Variants in ZCCHC7 observed in about 807,000 individuals in gnomAD.
ZCCHC7 encodes the protein zinc finger CCHC-type containing 7.
Under a neutral mutation model 52.0 loss-of-function variants are expected in ZCCHC7, and 35 were observed. The observed-to-expected ratio is 0.67, with a 90% CI of 0.51 to 0.89. The LOEUF is 0.89. Ranked by LOEUF, ZCCHC7 falls within the 40% of genes least tolerant of loss-of-function variation. The probability of loss-of-function intolerance (pLI) is 0.00; values close to 1 mark genes in which losing one functional copy is unlikely to be tolerated. For synonymous variants in ZCCHC7, 217 were observed against 221.5 expected, an observed-to-expected ratio of 0.98 and a Z score of 0.18; for missense variants, 574 against 649.1, an observed-to-expected ratio of 0.88 and a Z score of 1.26.
At chr9:37,167,085 A>G (rs1821461456) in intron 2 of ZCCHC7, among the ~76,000 whole-genome samples, 1 of 152,138 alleles carries the variant, frequency 6.6e-6, no homozygotes, top group African/African-American at 2.4e-5. Context: ...TTATATGTGT[A>G]CTAGGCTGCT....
intron 2 of ZCCHC7, among the ~76,000 whole-genome samples, chr9:37,218,025 T>C (rs1824602177): frequency 6.6e-6 from 1 of 152,196 alleles, no homozygotes; most frequent in Admixed American, 6.5e-5. Context: ...TCTAGTTCTT[T>C]TTGCTGGACT....
At chr9:37,202,724 C>G (rs556912368) in intron 2 of ZCCHC7, among the ~76,000 whole-genome samples, 94 of 152,352 alleles carry the variant, frequency 6.2e-4, no homozygotes, top group Non-Finnish European at 9.1e-4. Flanking sequence ...TCAAGCGATC[C>G]TCCTGCCTTG....
intron 2 of ZCCHC7, among the ~76,000 whole-genome samples, chr9:37,182,186 T>G (rs1395640303): frequency 6.6e-6 from 1 of 152,212 alleles, no homozygotes; most frequent in East Asian, 1.9e-4. Flanking sequence ...GCTGGCCTTT[T>G]AATGAGTTGT....
At chr9:37,188,634 T>C (rs1490106425) in intron 2 of ZCCHC7, among the ~76,000 whole-genome samples, 4 of 15,548 alleles carry the variant, frequency 2.6e-4, no homozygotes, top group African/African-American at 3.8e-4. Context: ...CCCCCTCCTT[T>C]CCCCTCCCCC....
At chr9:37,161,850 G>A (rs894565668) in intron 2 of ZCCHC7, among the ~76,000 whole-genome samples, 5 of 152,176 alleles carry the variant, frequency 3.3e-5, no homozygotes, top group Non-Finnish European at 5.9e-5. Context: ...TGGCATGGCA[G>A]ACAACACTTC....
chr9:37,182,306 A>AT (rs1480564163), intron 2 of ZCCHC7, among the ~76,000 whole-genome samples: 2 of 150,614 alleles, frequency 1.3e-5, no homozygotes, highest in Non-Finnish European at 3.0e-5. Context: ...ATTTTTGCTT[A>AT]TTTTTTTACA....
intron 2 of ZCCHC7, among the ~76,000 whole-genome samples, chr9:37,127,361 TA>T (rs749754842): frequency 5.3e-5 from 8 of 152,114 alleles, no homozygotes; most frequent in Non-Finnish European, 1.2e-4. Context: ...ACCCAGGAGT[TA>T]GATGGCAAGC....
intron 2 of ZCCHC7, among the ~76,000 whole-genome samples, chr9:37,226,827 G>A (rs1825131358): frequency 6.6e-6 from 1 of 152,034 alleles, no homozygotes; most frequent in African/African-American, 2.4e-5. Context: ...TCAGGAGATC[G>A]AGACCATTCT....
intron 2 of ZCCHC7, among the ~76,000 whole-genome samples, chr9:37,280,273 C>T (rs772147435): frequency 5.9e-5 from 9 of 152,112 alleles, no homozygotes; most frequent in Non-Finnish European, 1.2e-4. Flanking sequence ...GAGAAGTCCA[C>T]AACCATAATT....
chr9:37,288,986 A>G (rs937315197), intron 2 of ZCCHC7, among the ~76,000 whole-genome samples: 1 of 152,124 alleles, frequency 6.6e-6, no homozygotes. Flanking sequence ...CATACTCCAC[A>G]TCTTCATTTG....
intron 2 of ZCCHC7, among the ~76,000 whole-genome samples, chr9:37,238,274 C>T (rs1365708183): frequency 6.6e-6 from 1 of 152,174 alleles, no homozygotes; most frequent in African/African-American, 2.4e-5. Flanking sequence ...TCCTTCTCCA[C>T]CTCATGCAAA....
chr9:37,207,115 G>A (rs1823960224), intron 2 of ZCCHC7, among the ~76,000 whole-genome samples: 1 of 152,208 alleles, frequency 6.6e-6, no homozygotes, highest in South Asian at 2.1e-4. Flanking sequence ...GACAAAGCCA[G>A]ACTCTGTCTC....
chr9:37,256,604 C>T (rs1328719419), intron 2 of ZCCHC7, among the ~76,000 whole-genome samples: 1 of 152,090 alleles, frequency 6.6e-6, no homozygotes, highest in South Asian at 2.1e-4. Flanking sequence ...AGCCTCAATA[C>T]TCTAGTACAT....
At chr9:37,225,063 A>T (rs1461575055) in intron 2 of ZCCHC7, among the ~76,000 whole-genome samples, 2 of 152,238 alleles carry the variant, frequency 1.3e-5, no homozygotes, top group Non-Finnish European at 2.9e-5. Flanking sequence ...GAATTATTTT[A>T]TTCCTATTGT....
At chr9:37,330,102 T>A (rs981153127) in intron 6 of ZCCHC7, among the ~76,000 whole-genome samples, 8 of 151,778 alleles carry the variant, frequency 5.3e-5, no homozygotes, top group African/African-American at 1.5e-4. Flanking sequence ...TTAATGTTTA[T>A]CCAGGAGTCG....
At chr9:37,263,210 A>C (rs1409921410) in intron 2 of ZCCHC7, among the ~76,000 whole-genome samples, 1 of 152,106 alleles carries the variant, frequency 6.6e-6, no homozygotes, top group Non-Finnish European at 1.5e-5. Context: ...TGGGATTCGC[A>C]TCAGTTATGG....
At position 37,327,969 on chromosome 9, in the gene ZCCHC7, A is replaced by G. The variant is rs746713141; in HGVS notation, c.987+135A>G. The G allele has an allele frequency of 1.9e-5, 17 of 903,778 alleles. No individual in the cohort carries two copies. In the Admixed American group the frequency reaches 2.4e-4, roughly 13 times the overall value. 56.0% of individuals were successfully genotyped at this position (903,778 alleles called of 1,614,324 possible). On this transcript the variant is annotated intron_variant, in intron 6 of 8. Transcript: ENST00000336755. Reference sequence around the variant, plus strand: ...ATCTGAAGAGTTTTTGTACGGAGAAAGCAATAATACACTTTTTCTCTTTTC... The same window carrying G: ...ATCTGAAGAGTTTTTGTACGGAGAAGGCAATAATACACTTTTTCTCTTTTC...
intron 2 of ZCCHC7, among the ~76,000 whole-genome samples, chr9:37,295,433 G>A (rs973585359): frequency 2.6e-5 from 4 of 152,172 alleles, no homozygotes; most frequent in African/African-American, 9.7e-5. Context: ...AGGGCAGAAT[G>A]TATTCACATT....
intron 2 of ZCCHC7, among the ~76,000 whole-genome samples, chr9:37,244,947 A>C (rs1280605310): frequency 6.6e-6 from 1 of 151,974 alleles, no homozygotes; most frequent in Non-Finnish European, 1.5e-5. Context: ...CTGTAAAGTG[A>C]ATCAAATCCT....
Sources: allele counts gnomAD v4.1 joint callset (sites outside exome capture counted in the v4.1 genomes callset), GRCh38; gene constraint gnomAD v4.1.1; transcripts MANE v1.5; gene names NCBI Gene and HGNC (gene_info 2026-07-23, HGNC 2026-07-21).